PKIB: variants seen among roughly 807,000 people sequenced by gnomAD.
The protein encoded by PKIB is PKI-beta.
PKIB carries 2 observed loss-of-function variants against 4.5 expected under a neutral mutation model. That is an observed-to-expected ratio of 0.44 (90% CI 0.18 to 1.39). The LOEUF is 1.39. Ranked by LOEUF, PKIB falls within the 40% of genes most tolerant of loss-of-function variation. PKIB has a pLI of 0.27. For synonymous variants in PKIB, 38 were observed against 36.0 expected, an observed-to-expected ratio of 1.06 and a Z score of -0.20; for missense variants, 94 against 92.6, an observed-to-expected ratio of 1.02 and a Z score of -0.06.
chr6:122,678,453 G>A (rs1163948804), intron 3 of PKIB, among the ~76,000 whole-genome samples: 1 of 152,154 alleles, frequency 6.6e-6, no homozygotes, highest in Non-Finnish European at 1.5e-5. Context: ...ATCTCCAGAA[G>A]GCAGAGCCAT....
At chr6:122,515,086 A>AT (rs908744341) in intron 2 of PKIB, among the ~76,000 whole-genome samples, 9 of 152,296 alleles carry the variant, frequency 5.9e-5, no homozygotes, top group African/African-American at 2.2e-4. Context: ...ATAAATTCAT[A>AT]TTTTTTGGGG....
chr6:122,610,171 G>A (rs1323135831), upstream of PKIB: 1 of 152,250 alleles, frequency 6.6e-6, no homozygotes, highest in Non-Finnish European at 1.5e-5. Context: ...GACGATCACC[G>A]ATAATTAGTT....
intron 3 of PKIB, among the ~76,000 whole-genome samples, chr6:122,592,173 A>G (rs1033160713): frequency 6.6e-6 from 1 of 152,024 alleles, no homozygotes; most frequent in Non-Finnish European, 1.5e-5. Context: ...TGTATTTCAT[A>G]TATGTAATCT....
At chr6:122,572,927 A>T (rs1351577009) in intron 2 of PKIB, among the ~76,000 whole-genome samples, 1 of 152,194 alleles carries the variant, frequency 6.6e-6, no homozygotes, top group African/African-American at 2.4e-5. Flanking sequence ...AATCAGGAAG[A>T]ACTAGAAACC....
chr6:122,493,307 GAC>G (rs1775988930), intron 2 of PKIB: 1 of 152,196 alleles, frequency 6.6e-6, no homozygotes, highest in African/African-American at 2.4e-5. Context: ...ACCATGTGAG[GAC>G]ACAGCTAGAA....
At chr6:122,541,750 T>C (rs1167524126) in intron 2 of PKIB, among the ~76,000 whole-genome samples, 1 of 152,046 alleles carries the variant, frequency 6.6e-6, no homozygotes, top group Non-Finnish European at 1.5e-5. Flanking sequence ...ATTGGGGACG[T>C]TCTCCTGGAT....
intron 2 of PKIB, among the ~76,000 whole-genome samples, chr6:122,579,148 C>T (rs1046317278): frequency 1.8e-4 from 28 of 152,204 alleles, no homozygotes; most frequent in Non-Finnish European, 1.2e-4. Flanking sequence ...TCAGAATCTA[C>T]TCAGGAGTTC....
chr6:122,499,657 G>T (rs1468328514), intron 2 of PKIB, among the ~76,000 whole-genome samples: 2 of 152,248 alleles, frequency 1.3e-5, no homozygotes, highest in East Asian at 3.9e-4. Context: ...AACAAGACAA[G>T]GATGCCCACT....
intron 3 of PKIB, among the ~76,000 whole-genome samples, chr6:122,716,635 T>TTG (rs10624128): frequency 0.99 from 149,964 of 152,142 alleles, 73,941 homozygotes; most frequent in Middle Eastern, 1. Context: ...ACCAAAAATA[T>TTG]TGTTTCTAAT....
At chr6:122,703,057 A>G (rs1448113897) in intron 3 of PKIB, among the ~76,000 whole-genome samples, 1 of 152,214 alleles carries the variant, frequency 6.6e-6, no homozygotes, top group African/African-American at 2.4e-5. Flanking sequence ...TGCTACAGAA[A>G]GATTCAATTG....
chr6:122,515,260 G>C (rs197692), intron 2 of PKIB, among the ~76,000 whole-genome samples: 122,404 of 152,122 alleles, frequency 0.8, 49,466 homozygotes, highest in South Asian at 0.92. Context: ...ACAAAAATGT[G>C]TTTTAAAATT....
intron 2 of PKIB, among the ~76,000 whole-genome samples, chr6:122,563,115 G>A (rs927207629): frequency 6.6e-6 from 1 of 152,008 alleles, no homozygotes. Context: ...AAGGTCTAGG[G>A]CTGAAGGCTG....
intron 2 of PKIB, among the ~76,000 whole-genome samples, chr6:122,646,537 G>T (rs1365414302): frequency 6.6e-6 from 1 of 152,044 alleles, no homozygotes; most frequent in Non-Finnish European, 1.5e-5. Flanking sequence ...TCCAGTTGAT[G>T]TTCACTTTTA....
chr6:122,582,973 A>C (rs1268061956), intron 2 of PKIB, among the ~76,000 whole-genome samples: 2 of 152,036 alleles, frequency 1.3e-5, no homozygotes, highest in Non-Finnish European at 2.9e-5. Flanking sequence ...TCATCTTCTG[A>C]ATATTGATTA....
intron 3 of PKIB, among the ~76,000 whole-genome samples, chr6:122,678,503 CTGTTTTGTTT>C (rs912180740): frequency 8.5e-5 from 13 of 152,070 alleles, no homozygotes; most frequent in Non-Finnish European, 1.8e-4. Flanking sequence ...TTGCATCTTT[CTGTTTTGTTT>C]TGTTTTGTTT....
chr6:122,530,993 G>A (rs1375145380), intron 2 of PKIB: 1 of 152,166 alleles, frequency 6.6e-6, no homozygotes, highest in Non-Finnish European at 1.5e-5. Context: ...GTTCTCACAG[G>A]ATATTCTGTT....
At chr6:122,475,370 G>A (rs921419655) in intron 1 of PKIB, among the ~76,000 whole-genome samples, 1 of 152,170 alleles carries the variant, frequency 6.6e-6, no homozygotes. Context: ...AATCCATAAG[G>A]TTATGCTGGG....
chr6:122,491,586 C>G (rs1477923217), intron 2 of PKIB, among the ~76,000 whole-genome samples: 1 of 152,136 alleles, frequency 6.6e-6, no homozygotes, highest in Non-Finnish European at 1.5e-5. Flanking sequence ...TTGGGCAAAC[C>G]AAGTCTTCCT....
chr6:122,513,007 A>G (rs929781628), intron 2 of PKIB, among the ~76,000 whole-genome samples: 6 of 152,158 alleles, frequency 3.9e-5, no homozygotes, highest in Admixed American at 3.9e-4. Flanking sequence ...CTTAGTCAGC[A>G]TCTCTGTTTG....
Sources: allele counts gnomAD v4.1 joint callset (sites outside exome capture counted in the v4.1 genomes callset), GRCh38; gene constraint gnomAD v4.1.1; transcripts MANE v1.5; gene names NCBI Gene and HGNC (gene_info 2026-07-23, HGNC 2026-07-21).